Variants in GOLGA4 observed in about 807,000 individuals in gnomAD.
GOLGA4 encodes golgin subfamily A member 4.
In GOLGA4, 169 loss-of-function variants were observed where a neutral mutation model predicts 265.9. The observed-to-expected ratio is 0.64, with a 90% confidence interval of 0.56 to 0.72. GOLGA4 has a LOEUF of 0.72. Among genes scored for constraint, GOLGA4 ranks in the 30% least tolerant of loss-of-function variants. The pLI, the probability that GOLGA4 is intolerant of heterozygous loss-of-function variation, is 0.00. For missense variants in GOLGA4, 2,482 were observed against 2,483.4 expected (o/e 1.00, Z 0.01); for synonymous variants, 923 against 855.8 (o/e 1.08, Z -1.37).
At chr3:37,258,314 C>CAT (rs1251623723) in intron 2 of GOLGA4, among the ~76,000 whole-genome samples, 7 of 148,936 alleles carry the variant, frequency 4.7e-5, no homozygotes, top group East Asian at 2.0e-4. Context: ...ATATAGAGAG[C>CAT]ATATATATAT....
chr3:37,341,140 A>T (rs1377610763), intron 20 of GOLGA4, among the ~76,000 whole-genome samples: 1 of 152,112 alleles, frequency 6.6e-6, no homozygotes, highest in Non-Finnish European at 1.5e-5. Flanking sequence ...GCACTAAAAA[A>T]AAAAATGATC....
intron 13 of GOLGA4, 73 bp from the exon 14 acceptor site, chr3:37,323,515 C>A: frequency 1.2e-6 from 1 of 833,400 alleles, no homozygotes; most frequent in Non-Finnish European, 1.9e-6. Flanking sequence ...AGGTGGTAGA[C>A]ATCATGTCTG....
At chr3:37,296,861 G>A (rs902782268) in intron 7 of GOLGA4, among the ~76,000 whole-genome samples, 3 of 152,086 alleles carry the variant, frequency 2.0e-5, no homozygotes, top group Admixed American at 1.3e-4. Flanking sequence ...GTGAGTCACT[G>A]TGCCCAACCA....
At chr3:37,303,542 A>G (rs934996625) in intron 10 of GOLGA4, among the ~76,000 whole-genome samples, 5 of 152,198 alleles carry the variant, frequency 3.3e-5, no homozygotes, top group Non-Finnish European at 7.3e-5. Context: ...GAGTGAAATG[A>G]TGGGTTTTTT....
In GOLGA4 at chr3:37,258,118, G is replaced by GTA. The variant is rs199876066; in HGVS notation, c.162+6644_162+6645dup. ...ATATGCTCTGTATATATATATGTGTGTATATATATATGCTCTGTATATATA... is the reference window on the plus strand; with the variant it reads ...ATATGCTCTGTATATATATATGTGTGTATATATATATATGCTCTGTATATATA... On this transcript the variant is annotated intron_variant, in intron 2 of 23. Coordinates refer to ENST00000361924, the MANE Select transcript of GOLGA4 (RefSeq NM_002078.5). Among the ~76,000 whole-genome samples, 16 of 131,102 alleles carry GTA rather than the reference G, an allele frequency of 1.2e-4. 1 individual carries two copies. Among genetic ancestry groups the GTA allele is most frequent in the African/African-American group, 2.5e-4 (9 of 35,898 alleles). 86.0% of individuals were successfully genotyped at this position (131,102 alleles called of 152,430 possible).
chr3:37,352,819 A>G (rs2097078812), intron 21 of GOLGA4, among the ~76,000 whole-genome samples: 1 of 152,014 alleles, frequency 6.6e-6, no homozygotes, highest in South Asian at 2.1e-4. Flanking sequence ...TAGCACTTTT[A>G]ATTTCCTTTC....
At chr3:37,361,433 G>A (rs1009613481) in intron 23 of GOLGA4, 128 bp downstream of exon 23, 1 of 570,910 alleles carries the variant, frequency 1.8e-6, no homozygotes, top group Non-Finnish European at 3.1e-6. Context: ...GTTAATATAA[G>A]TATTTTCTGT....
intron 2 of GOLGA4, among the ~76,000 whole-genome samples, chr3:37,272,745 C>T (rs2096802194): frequency 1.3e-5 from 2 of 152,168 alleles, no homozygotes; most frequent in Non-Finnish European, 2.9e-5. Context: ...CAAGATGTAA[C>T]TACTGAAACA....
Position 37,273,105 on chromosome 3 carries a change from T to C in GOLGA4, c.163-8853T>C, listed in dbSNP as rs927329434. 2.0e-5 allele frequency among the ~76,000 whole-genome samples: 3 copies of C among 152,264 alleles called. No individual in the cohort carries two copies. In the East Asian group the frequency reaches 5.8e-4, roughly 29 times the overall value. ...TACCGTTTCTTGCTATCAAGATATT[T>C]TTCAGAGCTTAGCCCAAATAATTTT... On this transcript the variant is annotated intron_variant, in intron 2 of 23. Transcript: ENST00000361924.
rs138942611 is a variant in GOLGA4, at chr3:37,325,323, C to T, written c.3437C>T (p.Ser1146Phe). 9.9e-6 allele frequency: 16 copies of T among 1,613,362 alleles called. No individual in the cohort carries two copies. The South Asian group carries it at 1.5e-4, about 16-fold the overall frequency. ...AAGCTAGAGGTTGACTTGAATAAGT[C>T]TCTGAAGGAAAATACTTTTCTTCAA... is the stretch of plus-strand genomic sequence containing the variant. The part of the protein sequence containing the change: ...LEKLEVDLNK[S>F]LKENTFLQEQ... Residue 1146 changes from serine to phenylalanine, a missense_variant, in exon 14 of 24, where the codon TCT becomes TTT. Physicochemically the swap from Ser to Phe is radical, Grantham distance 155 (BLOSUM62 -2). Transcript: ENST00000361924.
chr3:37,316,197 T>C (rs1176021340), intron 11 of GOLGA4, among the ~76,000 whole-genome samples: 1 of 129,568 alleles, frequency 7.7e-6, no homozygotes, highest in East Asian at 2.0e-4. Context: ...CATTTTTTTC[T>C]GCTTTTTTTT....
At chr3:37,329,209 TGACTCAA>T (rs2096982298) in intron 16 of GOLGA4, 116 bp downstream of exon 16, 4 of 760,180 alleles carry the variant, frequency 5.3e-6, no homozygotes, top group Non-Finnish European at 6.2e-6. Context: ...TTTTTTTTTT[TGACTCAA>T]TATTATTCAA....
chr3:37,296,731 C>G (rs144984377), intron 7 of GOLGA4, among the ~76,000 whole-genome samples: 36 of 151,998 alleles, frequency 2.4e-4, no homozygotes, highest in Admixed American at 2.3e-3. Flanking sequence ...CCACCATGCC[C>G]GGCTAATTTT....
At chr3:37,269,321 A>G (rs1277199349) in intron 2 of GOLGA4, among the ~76,000 whole-genome samples, 2 of 152,192 alleles carry the variant, frequency 1.3e-5, no homozygotes. Context: ...GTCAGGCAAA[A>G]TATTAGGTCA....
At position 37,336,331 on chromosome 3, in the gene GOLGA4, T is replaced by G. The variant is rs541331412; in HGVS notation, c.6307-812T>G. Among the ~76,000 whole-genome samples, 12 of 152,330 alleles carry G rather than the reference T, an allele frequency of 7.9e-5. No individual in the cohort carries two copies. The South Asian group carries it at 2.3e-3, about 29-fold the overall frequency. On this transcript the variant is annotated intron_variant, in intron 17 of 23. Transcript: ENST00000361924. ...GTATTTAACTGTCTAACATGAGCGT[T>G]TCCTTAGTATCAAAGTATTAATATT...
At chr3:37,285,910 C>G (rs921389963) in intron 3 of GOLGA4, 104 bp from the exon 4 acceptor site, 1 of 638,676 alleles carries the variant, frequency 1.6e-6, no homozygotes, top group African/African-American at 1.8e-5. Context: ...ATTAAGGACT[C>G]TTCTAATTTA....
chr3:37,286,498 T>C lies in GOLGA4; in HGVS notation c.525+437T>C, dbSNP rs554766447. On this transcript the variant is annotated intron_variant, in intron 4 of 23. Transcript: ENST00000361924. ...CCTTCCTTTTAAATAATTCTGCATA[T>C]GAACAAAATATTAAGCTTGTTTTAC... 3.9e-5 allele frequency among the ~76,000 whole-genome samples: 6 copies of C among 152,340 alleles called. No individual in the cohort carries two copies. In the East Asian group the frequency reaches 5.8e-4, roughly 15 times the overall value.
intron 2 of GOLGA4, among the ~76,000 whole-genome samples, chr3:37,258,335 T>C (rs2096760141): frequency 6.7e-6 from 1 of 148,750 alleles, no homozygotes; most frequent in Non-Finnish European, 1.5e-5. Context: ...GCTGTCTGTA[T>C]ATATATATGC....
chr3:37,305,242 A>G (rs2096902993), intron 10 of GOLGA4, among the ~76,000 whole-genome samples: 1 of 152,154 alleles, frequency 6.6e-6, no homozygotes, highest in Non-Finnish European at 1.5e-5. Context: ...TAATGGATAC[A>G]TTTATTTTGG....
Sources: allele counts gnomAD v4.1 joint callset (sites outside exome capture counted in the v4.1 genomes callset), GRCh38; gene constraint gnomAD v4.1.1; transcripts MANE v1.5; gene names NCBI Gene and HGNC (gene_info 2026-07-23, HGNC 2026-07-21).